The following CSMD2 variants were observed in gnomAD, a reference collection of about 807,000 sequenced individuals.
CSMD2 encodes the protein CUB and Sushi multiple domains 2.
A neutral mutation model predicts 398.5 loss-of-function variants in CSMD2; 130 were observed. That is an observed-to-expected ratio of 0.33 (90% CI 0.28 to 0.38). The LOEUF (loss-of-function observed/expected upper bound fraction) is 0.38, where lower values mean the gene tolerates loss of function less well. Ranked by LOEUF, CSMD2 falls within the 10% of genes least tolerant of loss-of-function variation. The probability of loss-of-function intolerance (pLI) is 1.00; values close to 1 mark genes in which losing one functional copy is unlikely to be tolerated. For missense variants in CSMD2, 3,829 were observed against 4,764.9 expected, an observed-to-expected ratio of 0.80 and a Z score of 5.78; for synonymous variants, 1,828 against 1,908.5, an observed-to-expected ratio of 0.96 and a Z score of 1.10.
intron 13 of CSMD2, among the ~76,000 whole-genome samples, chr1:33,760,503 A>G (rs1379335227): frequency 1.3e-5 from 2 of 152,224 alleles, no homozygotes. Context: ...CCAAGCCACC[A>G]TGCCAAAGTT....
intron 2 of CSMD2, among the ~76,000 whole-genome samples, chr1:34,063,571 G>A (rs1243874160): frequency 1.3e-5 from 2 of 152,214 alleles, no homozygotes; most frequent in African/African-American, 4.8e-5. Context: ...GCTGATGCAA[G>A]AGGTAGATTC....
chr1:33,940,217 G>A (rs1644621385), intron 3 of CSMD2, among the ~76,000 whole-genome samples: 1 of 152,052 alleles, frequency 6.6e-6, no homozygotes, highest in Non-Finnish European at 1.5e-5. Context: ...CTTTGTTTCT[G>A]TGTCTGAATG....
At chr1:34,033,818 TCAGATGAGTTAAAC>T (rs568334864) in intron 2 of CSMD2, among the ~76,000 whole-genome samples, 29 of 152,324 alleles carry the variant, frequency 1.9e-4, no homozygotes, top group Middle Eastern at 3.4e-3. Flanking sequence ...AGTATCGGGC[TCAGATGAGTTAAAC>T]CAGATATTTG....
chr1:33,690,069 G>A (rs1645185266), intron 25 of CSMD2, among the ~76,000 whole-genome samples: 1 of 152,108 alleles, frequency 6.6e-6, no homozygotes, highest in South Asian at 2.1e-4. Flanking sequence ...GCGCTTACCG[G>A]CCCAGCCCGT....
Position 34,163,333 on chromosome 1 carries a change from C to T in CSMD2, c.187+1578G>A, listed in dbSNP as rs1278372332. Reference sequence around the variant, plus strand: ...TGCGAGAGGCCAGAGCTCCCAGGCGCGCGCACCGCGGGCGCCCCTCTCTGG... The same window carrying T: ...TGCGAGAGGCCAGAGCTCCCAGGCGTGCGCACCGCGGGCGCCCCTCTCTGG... On this transcript the variant is annotated intron_variant, in intron 1 of 70. Coordinates refer to ENST00000373381, the MANE Select transcript of CSMD2 (RefSeq NM_001281956.2). The surrounding 1 kb of genome is among the most constrained non-coding windows in gnomAD (Gnocchi z 5.4). Among the ~76,000 whole-genome samples, 1 of 152,146 alleles carries T rather than the reference C, an allele frequency of 6.6e-6. No homozygotes were observed. Among genetic ancestry groups the T allele is most frequent in the Non-Finnish European group, 1.5e-5 (1 of 68,018 alleles).
chr1:33,557,643 C>T (rs1353108080), intron 55 of CSMD2, 91 bp downstream of exon 55: 4 of 1,092,604 alleles, frequency 3.7e-6, no homozygotes, highest in Non-Finnish European at 3.9e-6. Context: ...CACACACACA[C>T]ACACACACAC....
At chr1:33,780,282 T>C (rs967047570) in intron 12 of CSMD2, among the ~76,000 whole-genome samples, 4 of 152,202 alleles carry the variant, frequency 2.6e-5, no homozygotes, top group Admixed American at 2.6e-4. Context: ...CCTGTGGGCA[T>C]GCCCAGACCA....
intron 8 of CSMD2, among the ~76,000 whole-genome samples, chr1:33,820,233 G>A (rs1657954806): frequency 6.6e-6 from 1 of 152,130 alleles, no homozygotes; most frequent in Non-Finnish European, 1.5e-5. Flanking sequence ...GGGTACATAG[G>A]TTTTCTGGAT....
intron 3 of CSMD2, among the ~76,000 whole-genome samples, chr1:33,967,690 T>A (rs1286633360): frequency 2.6e-5 from 4 of 152,186 alleles, no homozygotes; most frequent in Non-Finnish European, 5.9e-5. Flanking sequence ...GCCTTCCCGA[T>A]GAGAGTAGGG....
intron 58 of CSMD2, among the ~76,000 whole-genome samples, chr1:33,542,345 G>A (rs1656429272): frequency 6.6e-6 from 1 of 152,198 alleles, no homozygotes; most frequent in Admixed American, 6.5e-5. Context: ...ATCAGGTTGA[G>A]CTCTGGGGTT....
At chr1:33,629,210 A>G (rs1642317631) in intron 32 of CSMD2, among the ~76,000 whole-genome samples, 2 of 152,220 alleles carry the variant, frequency 1.3e-5, no homozygotes, top group Admixed American at 1.3e-4. Flanking sequence ...CTCTTGGGGA[A>G]GAAGTCCACA....
At chr1:33,897,484 G>A (rs79422758) in intron 5 of CSMD2, among the ~76,000 whole-genome samples, 2 of 152,182 alleles carry the variant, frequency 1.3e-5, no homozygotes, top group Non-Finnish European at 2.9e-5. Flanking sequence ...CTTTCCTGGG[G>A]TAAACAAGCT....
At chr1:33,659,734 C>T (rs898104242) in intron 26 of CSMD2, among the ~76,000 whole-genome samples, 1 of 152,164 alleles carries the variant, frequency 6.6e-6, no homozygotes, top group Non-Finnish European at 1.5e-5. Context: ...ACACTGATGT[C>T]ACTAATTATA....
At chr1:33,724,843 G>A (rs76533301) in intron 17 of CSMD2, 139 bp from the exon 18 acceptor site, 21,093 of 774,670 alleles carry the variant, frequency 0.027, 544 homozygotes, top group East Asian at 0.12. Context: ...AAATGTGGCC[G>A]TCAGAATTTG....
At chr1:33,825,802 T>C in intron 6 of CSMD2, 28 bp from the exon 7 acceptor site, 4 of 1,580,536 alleles carry the variant, frequency 2.5e-6, no homozygotes, top group South Asian at 1.1e-5. Flanking sequence ...GGAAAAACAA[T>C]GTGAGTTGTT....
chr1:33,790,716 A>G (rs1298755637), intron 11 of CSMD2, among the ~76,000 whole-genome samples: 1 of 149,012 alleles, frequency 6.7e-6, no homozygotes, highest in African/African-American at 2.6e-5. Flanking sequence ...CTATCTGTCT[A>G]TCATCTATCA....
At chr1:34,111,935 T>A (rs2148445106) in intron 1 of CSMD2, among the ~76,000 whole-genome samples, 1 of 152,114 alleles carries the variant, frequency 6.6e-6, no homozygotes, top group African/African-American at 2.4e-5. Flanking sequence ...AGGACAGAGG[T>A]GGCAGTCTTG....
intron 36 of CSMD2, 48 bp from the exon 37 acceptor site, chr1:33,622,319 G>T: frequency 1.5e-6 from 2 of 1,362,808 alleles, no homozygotes; most frequent in Non-Finnish European, 1.1e-6. Context: ...GCTCCTCCAG[G>T]CCCTTGCATT....
chr1:33,707,723 AC>A (rs1557765094), intron 22 of CSMD2, among the ~76,000 whole-genome samples: 1 of 146,960 alleles, frequency 6.8e-6, no homozygotes, highest in African/African-American at 2.7e-5. Flanking sequence ...ACACACACAC[AC>A]ACACACACAC....
Sources: gnomAD v4.1 joint callset for allele counts (sites outside exome capture counted in the v4.1 genomes callset) on GRCh38, gnomAD v4.1.1 for gene constraint, Gnocchi (gnomAD v3.1) non-coding constraint, MANE v1.5 for transcripts, NCBI Gene and HGNC (gene_info 2026-07-23, HGNC 2026-07-21) for gene names.